Variants in GRID1 observed in about 807,000 individuals in gnomAD.
GRID1 encodes the protein glutamate ionotropic receptor delta type subunit 1.
A neutral mutation model predicts 98.0 loss-of-function variants in GRID1; 28 were observed. The ratio of observed to expected loss-of-function variants is 0.29; its 90% CI spans 0.21 to 0.39. The LOEUF is 0.39. Ranked by LOEUF, GRID1 falls within the 10% of genes least tolerant of loss-of-function variation. The pLI is 1.00. For synonymous variants in GRID1, 553 were observed against 538.5 expected (o/e 1.03, Z -0.37); for missense variants, 1,111 against 1,340.5 (o/e 0.83, Z 2.67).
intron 4 of GRID1, among the ~76,000 whole-genome samples, chr10:86,069,633 G>A (rs966894523): frequency 3.9e-5 from 6 of 152,182 alleles, no homozygotes; most frequent in Non-Finnish European, 7.4e-5. Context: ...GGGAGACAGA[G>A]TGAGACTCCG....
At position 86,262,055 on chromosome 10, in the gene GRID1, C is replaced by T. The variant is rs112692019; in HGVS notation, c.236-55407G>A. Reference sequence around the variant, plus strand: ...CGGATAGGTGAAGCAGTGTGTCCAGCGTAACACAGCCAGGAGGTGGCAGTG... The same window carrying T: ...CGGATAGGTGAAGCAGTGTGTCCAGTGTAACACAGCCAGGAGGTGGCAGTG... On this transcript the variant is annotated intron_variant, in intron 2 of 15. Coordinates refer to ENST00000327946, the MANE Select transcript of GRID1 (RefSeq NM_017551.3). Among the ~76,000 whole-genome samples the T allele has an allele frequency of 1.7e-3, 254 of 152,312 alleles. 1 individual carries two copies. The highest frequency in any genetic ancestry group is 3.4e-3 in the Middle Eastern group (1 of 294).
chr10:86,283,838 C>G (rs896745069), intron 2 of GRID1, among the ~76,000 whole-genome samples: 3 of 150,748 alleles, frequency 2.0e-5, no homozygotes, highest in Admixed American at 6.6e-5. Flanking sequence ...ACATACAAAC[C>G]TGCATATACA....
intron 2 of GRID1, among the ~76,000 whole-genome samples, chr10:86,251,504 G>A (rs1209858955): frequency 6.6e-6 from 1 of 152,088 alleles, no homozygotes; most frequent in Non-Finnish European, 1.5e-5. Context: ...CTCAAGCCTT[G>A]CAGGGCTACT....
intron 13 of GRID1, among the ~76,000 whole-genome samples, chr10:85,636,859 C>T (rs1028713588): frequency 6.6e-6 from 1 of 152,104 alleles, no homozygotes; most frequent in Admixed American, 6.6e-5. Flanking sequence ...TGTTTATATC[C>T]TTTTTGGCAC....
intron 4 of GRID1, among the ~76,000 whole-genome samples, chr10:86,102,661 C>T (rs1844314029): frequency 6.6e-6 from 1 of 152,258 alleles, no homozygotes; most frequent in Non-Finnish European, 1.5e-5. Context: ...TACCTGGGAG[C>T]AGTGCCAAGA....
intron 5 of GRID1, among the ~76,000 whole-genome samples, chr10:85,901,470 A>G (rs980995571): frequency 6.6e-5 from 10 of 152,114 alleles, no homozygotes; most frequent in Non-Finnish European, 8.8e-5. Context: ...GGATGGTCTC[A>G]ATCTCCTGAC....
intron 2 of GRID1, among the ~76,000 whole-genome samples, chr10:86,271,112 C>T (rs144345403): frequency 5.3e-5 from 8 of 152,288 alleles, no homozygotes; most frequent in East Asian, 3.9e-4. Context: ...TGTGAGCAAA[C>T]GCCCCAAAGC....
In GRID1 at chr10:86,018,759, T is replaced by C. The variant is rs552231831; in HGVS notation, c.727-102520A>G. On this transcript the variant is annotated intron_variant, in intron 4 of 15. Coordinates refer to ENST00000327946, the MANE Select transcript of GRID1 (RefSeq NM_017551.3). The stretch of plus-strand genomic sequence containing the variant: ...GGATCAGCCCCGCCTTCCAGCTCCA[T>C]CTCCCTGCCCCACCAAAGGCTGTGT... 2.0e-5 allele frequency among the ~76,000 whole-genome samples: 3 copies of C among 152,284 alleles called. No individual in the cohort carries two copies. In the South Asian group the frequency reaches 6.2e-4, roughly 32 times the overall value.
At chr10:85,923,836 T>C (rs1390971827) in intron 4 of GRID1, among the ~76,000 whole-genome samples, 1 of 152,122 alleles carries the variant, frequency 6.6e-6, no homozygotes, top group East Asian at 1.9e-4. Context: ...CAGGCGACAG[T>C]GATAGTGGTG....
At chr10:86,239,386 A>G (rs1846592008) in intron 2 of GRID1, among the ~76,000 whole-genome samples, 1 of 152,184 alleles carries the variant, frequency 6.6e-6, no homozygotes, top group African/African-American at 2.4e-5. Flanking sequence ...CTTGTCTCAG[A>G]TGAGACTTTG....
chr10:86,074,022 T>G (rs1204991622), intron 4 of GRID1, among the ~76,000 whole-genome samples: 1 of 136,314 alleles, frequency 7.3e-6, no homozygotes, highest in African/African-American at 2.8e-5. Context: ...ACAGCCACTT[T>G]GAAGAAGTGG....
At chr10:85,873,934 T>A (rs1220825012) in intron 5 of GRID1, among the ~76,000 whole-genome samples, 1 of 152,256 alleles carries the variant, frequency 6.6e-6, no homozygotes, top group Non-Finnish European at 1.5e-5. Flanking sequence ...AGTGATTGAT[T>A]CATGGCTGAT....
intron 4 of GRID1, among the ~76,000 whole-genome samples, chr10:86,126,111 G>A (rs969385976): frequency 1.3e-5 from 2 of 152,174 alleles, no homozygotes; most frequent in Non-Finnish European, 2.9e-5. Context: ...AAGTAAGAAG[G>A]ATGTTGGAAT....
chr10:86,284,935 T>C (rs1395966901), intron 2 of GRID1, among the ~76,000 whole-genome samples: 1 of 152,114 alleles, frequency 6.6e-6, no homozygotes, highest in East Asian at 1.9e-4. Context: ...TTGTCACCTC[T>C]CGAGCCTCCA....
chr10:85,723,003 C>T lies in GRID1; in HGVS notation c.1997G>A (p.Arg666Lys), dbSNP rs1276047732. ...LTVSRMDNPI[R>K]TFQDLSKQVE... ...CCAGATCAAGGAGGAATAGGCTTAC[C>T]TTATGGGGTTGTCCATCCTGGACAC... Residue 666 changes from arginine to lysine, a missense_variant and splice_region_variant, in exon 12 of 16, where the codon AGG (arginine) becomes AAG (lysine). By Grantham distance (26) the Arg-to-Lys change is conservative. Coordinates refer to ENST00000327946, the MANE Select transcript of GRID1 (RefSeq NM_017551.3). 1 of 1,608,704 alleles carries T rather than the reference C, an allele frequency of 6.2e-7. No homozygotes were observed. The highest frequency in any genetic ancestry group is 8.5e-7 in the Non-Finnish European group (1 of 1,177,416).
chr10:85,987,075 G>T (rs546643639), intron 4 of GRID1, among the ~76,000 whole-genome samples: 11 of 152,150 alleles, frequency 7.2e-5, no homozygotes, highest in Admixed American at 7.2e-4. Context: ...GGCTGAAGGG[G>T]ACACCACGGG....
At chr10:85,765,976 T>C (rs1317746034) in intron 8 of GRID1, among the ~76,000 whole-genome samples, 1 of 152,196 alleles carries the variant, frequency 6.6e-6, no homozygotes, top group Non-Finnish European at 1.5e-5. Flanking sequence ...AGGGGGACGA[T>C]TTTAACTGCT....
intron 5 of GRID1, among the ~76,000 whole-genome samples, chr10:85,903,907 T>C (rs1254990459): frequency 6.6e-6 from 1 of 152,216 alleles, no homozygotes; most frequent in Non-Finnish European, 1.5e-5. Flanking sequence ...CCTCATCAAA[T>C]AGATTTCTCA....
chr10:85,681,141 A>T lies in GRID1; in HGVS notation c.1998-33744T>A, dbSNP rs928126033. On this transcript the variant is annotated intron_variant, in intron 12 of 15. Transcript: ENST00000327946. ...CTCTCAATCTATAAAAGTAAAATTTAAAAAAGAAAGAAATCCCTAATCTCG... is the reference window on the plus strand; with the variant it reads ...CTCTCAATCTATAAAAGTAAAATTTTAAAAAGAAAGAAATCCCTAATCTCG... Among the ~76,000 whole-genome samples, 5 of 152,158 alleles carry T rather than the reference A, an allele frequency of 3.3e-5. No homozygotes were observed. In the East Asian group the frequency reaches 7.7e-4, roughly 23 times the overall value.
Sources: allele counts gnomAD v4.1 joint callset (sites outside exome capture counted in the v4.1 genomes callset), GRCh38; gene constraint gnomAD v4.1.1; transcripts MANE v1.5; gene names NCBI Gene and HGNC (gene_info 2026-07-23, HGNC 2026-07-21).